LSAMP: variants seen among roughly 807,000 people sequenced by gnomAD.
LSAMP encodes the protein limbic system associated membrane protein, also known as limbic system-associated membrane protein.
In LSAMP, 7 loss-of-function variants were observed where a neutral mutation model predicts 38.6. That is an observed-to-expected ratio of 0.18 (90% CI 0.10 to 0.34). LSAMP has a LOEUF of 0.34. Ranked by LOEUF, LSAMP falls within the 10% of genes least tolerant of loss-of-function variation. The pLI, the probability that LSAMP is intolerant of heterozygous loss-of-function variation, is 1.00. For missense variants in LSAMP, 313 were observed against 420.0 expected (o/e 0.75, Z 2.23); for synonymous variants, 154 against 166.8 (o/e 0.92, Z 0.59).
intron 1 of LSAMP, among the ~76,000 whole-genome samples, chr3:116,431,261 T>G (rs1361342228): frequency 1.3e-5 from 2 of 152,068 alleles, no homozygotes; most frequent in Admixed American, 1.3e-4. Flanking sequence ...ATAAGTCTAT[T>G]GGAAGCCTGT....
At chr3:115,825,087 T>C (rs1934365650) in intron 6 of LSAMP, among the ~76,000 whole-genome samples, 1 of 152,162 alleles carries the variant, frequency 6.6e-6, no homozygotes, top group African/African-American at 2.4e-5. Context: ...ATCAAAACCA[T>C]TCAAATAACA....
At chr3:116,378,688 T>C (rs926585893) in intron 1 of LSAMP, among the ~76,000 whole-genome samples, 6 of 152,044 alleles carry the variant, frequency 3.9e-5, no homozygotes, top group African/African-American at 1.2e-4. Context: ...GTGGTGAAGA[T>C]ACAAAGTTAA....
chr3:115,947,288 C>G (rs144014631), intron 3 of LSAMP, among the ~76,000 whole-genome samples: 9 of 152,148 alleles, frequency 5.9e-5, no homozygotes, highest in Middle Eastern at 3.4e-3. Flanking sequence ...CTGAAACTCT[C>G]AAATAATGAA....
chr3:115,841,780 T>C, intron 6 of LSAMP, 65 bp downstream of exon 6: 1 of 1,529,578 alleles, frequency 6.5e-7, no homozygotes, highest in Non-Finnish European at 8.8e-7. Context: ...GGAATGGTTT[T>C]CACGTTTTTC....
chr3:115,943,909 GAA>G (rs1348461237), intron 3 of LSAMP, among the ~76,000 whole-genome samples: 6 of 152,136 alleles, frequency 3.9e-5, no homozygotes, highest in Admixed American at 2.0e-4. Context: ...CACCCTCTAG[GAA>G]AATACATCTT....
chr3:116,097,830 G>A (rs1195530483), intron 1 of LSAMP, among the ~76,000 whole-genome samples: 2 of 151,918 alleles, frequency 1.3e-5, no homozygotes, highest in Admixed American at 6.6e-5. Flanking sequence ...CGGCCTCCTG[G>A]GTTCAAGCAA....
chr3:115,877,060 A>T (rs961147194), intron 3 of LSAMP, among the ~76,000 whole-genome samples: 1 of 152,300 alleles, frequency 6.6e-6, no homozygotes, highest in East Asian at 1.9e-4. Flanking sequence ...ATTGCTCATT[A>T]AACATTTAAA....
At chr3:115,973,608 C>CGA (rs1244426695) in intron 3 of LSAMP, among the ~76,000 whole-genome samples, 13 of 152,056 alleles carry the variant, frequency 8.5e-5, no homozygotes, top group Non-Finnish European at 1.6e-4. Context: ...GTGGCAGGTG[C>CGA]CTGTAATCCC....
chr3:116,425,449 A>T (rs777144155), intron 1 of LSAMP, among the ~76,000 whole-genome samples: 13 of 152,336 alleles, frequency 8.5e-5, no homozygotes, highest in Non-Finnish European at 1.6e-4. Flanking sequence ...GGTTAGTGGA[A>T]ATAGTACTGA....
intron 1 of LSAMP, among the ~76,000 whole-genome samples, chr3:116,270,056 T>C (rs909534737): frequency 1.3e-5 from 2 of 152,190 alleles, no homozygotes; most frequent in Non-Finnish European, 2.9e-5. Flanking sequence ...ACCTCCCACC[T>C]GCAATCCTGT....
chr3:115,933,662 A>T (rs746536546), intron 3 of LSAMP, among the ~76,000 whole-genome samples: 31 of 152,184 alleles, frequency 2.0e-4, no homozygotes, highest in Non-Finnish European at 2.6e-4. Context: ...CCCCTGGAAG[A>T]GTGTGCAGAG....
chr3:116,384,660 C>T (rs896265538), intron 1 of LSAMP, among the ~76,000 whole-genome samples: 3 of 152,090 alleles, frequency 2.0e-5, no homozygotes, highest in African/African-American at 7.2e-5. Context: ...GTTCTCAGTA[C>T]ATGCAAACGT....
intron 3 of LSAMP, among the ~76,000 whole-genome samples, chr3:115,899,482 CTATTAT>C (rs1936818447): frequency 6.6e-6 from 1 of 152,138 alleles, no homozygotes. Context: ...CTTTAAAAAA[CTATTAT>C]TATAAGAGCT....
At chr3:116,346,473 C>T (rs535170515) in intron 1 of LSAMP, among the ~76,000 whole-genome samples, 12 of 152,060 alleles carry the variant, frequency 7.9e-5, no homozygotes, top group Admixed American at 2.0e-4. Flanking sequence ...AGACCACAGA[C>T]GTGCACCACC....
intron 1 of LSAMP, among the ~76,000 whole-genome samples, chr3:116,114,448 G>A (rs1030073718): frequency 3.3e-5 from 5 of 151,992 alleles, no homozygotes; most frequent in Non-Finnish European, 5.9e-5. Flanking sequence ...AAGGAACAAG[G>A]TCTGTTCATT....
At chr3:115,950,411 A>G (rs1938243038) in intron 3 of LSAMP, among the ~76,000 whole-genome samples, 1 of 152,170 alleles carries the variant, frequency 6.6e-6, no homozygotes, top group Non-Finnish European at 1.5e-5. Context: ...ATCAATGTAT[A>G]CAAATCGGTA....
chr3:116,329,676 G>C (rs1487621988), intron 1 of LSAMP, among the ~76,000 whole-genome samples: 1 of 151,994 alleles, frequency 6.6e-6, no homozygotes, highest in Non-Finnish European at 1.5e-5. Flanking sequence ...AAATTTCGGA[G>C]GGGGACTTTA....
chr3:116,188,900 T>C (rs1576420554), intron 1 of LSAMP, among the ~76,000 whole-genome samples: 1 of 152,286 alleles, frequency 6.6e-6, no homozygotes, highest in East Asian at 1.9e-4. Flanking sequence ...TTAAAAATCT[T>C]CCAGAACTGT....
intron 2 of LSAMP, among the ~76,000 whole-genome samples, chr3:116,061,533 A>G (rs1441921447): frequency 6.6e-6 from 1 of 152,058 alleles, no homozygotes; most frequent in African/African-American, 2.4e-5. Context: ...TCTTTACTCA[A>G]ATGTCACCTT....
Sources: allele counts gnomAD v4.1 joint callset (sites outside exome capture counted in the v4.1 genomes callset), GRCh38; gene constraint gnomAD v4.1.1; transcripts MANE v1.5; gene names NCBI Gene and HGNC (gene_info 2026-07-23, HGNC 2026-07-21).